CSNK2A2: variants seen among roughly 807,000 people sequenced by gnomAD.
CSNK2A2 encodes casein kinase II subunit alpha'.
A neutral mutation model predicts 54.0 loss-of-function variants in CSNK2A2; 8 were observed. The ratio of observed to expected loss-of-function variants is 0.15; its 90% CI spans 0.09 to 0.27. The LOEUF is 0.27. Ranked by LOEUF, CSNK2A2 falls within the 10% of genes least tolerant of loss-of-function variation. The pLI is 1.00. For synonymous variants in CSNK2A2, 141 were observed against 153.9 expected, an observed-to-expected ratio of 0.92 and a Z score of 0.62; for missense variants, 242 against 439.4, an observed-to-expected ratio of 0.55 and a Z score of 4.02.
chr16:58,182,503 C>T (rs929050020), intron 4 of CSNK2A2, among the ~76,000 whole-genome samples: 4 of 142,898 alleles, frequency 2.8e-5, no homozygotes, highest in Non-Finnish European at 4.5e-5. Context: ...TGCAGTGAGC[C>T]GAGATTGCGC....
At chr16:58,182,210 A>T (rs910812173) in intron 4 of CSNK2A2, among the ~76,000 whole-genome samples, 2 of 151,970 alleles carry the variant, frequency 1.3e-5, no homozygotes, top group African/African-American at 4.8e-5. Flanking sequence ...GCAGTTGTTA[A>T]ATCAACAGAG....
intron 5 of CSNK2A2, among the ~76,000 whole-genome samples, chr16:58,173,523 A>C (rs139919753): frequency 6.6e-6 from 1 of 152,204 alleles, no homozygotes; most frequent in Non-Finnish European, 1.5e-5. Context: ...TTAAGTGCTT[A>C]TCTAGACAAA....
chr16:58,185,507 T>C (rs1198890780), intron 3 of CSNK2A2, among the ~76,000 whole-genome samples: 1 of 152,228 alleles, frequency 6.6e-6, no homozygotes, highest in Non-Finnish European at 1.5e-5. Context: ...AAAACAAAAA[T>C]GCTCCTGGTA....
intron 4 of CSNK2A2, among the ~76,000 whole-genome samples, chr16:58,176,716 G>C (rs1007012353): frequency 3.3e-5 from 5 of 152,252 alleles, no homozygotes; most frequent in Admixed American, 3.3e-4. Flanking sequence ...CAACCTGTCT[G>C]CTTTCTACAG....
rs1225453956 is a variant in CSNK2A2, at chr16:58,164,266, G to C, written c.977-119C>G. 38 of 771,020 alleles carry C rather than the reference G, an allele frequency of 4.9e-5. No homozygotes were observed. In the East Asian group the frequency reaches 9.5e-4, roughly 19 times the overall value. 47.8% of individuals were successfully genotyped at this position (771,020 alleles called of 1,614,324 possible). A position where few individuals can be genotyped will look rare whatever the true frequency, so the allele number is the denominator to read the frequency against. ...GACTGATGGGCAAGCCAGGGTCAGG[G>C]GGGCAACAGGAGAGACGGAAATCAC... On this transcript the variant is annotated intron_variant, in intron 10 of 11. Coordinates refer to ENST00000262506, the MANE Select transcript of CSNK2A2 (RefSeq NM_001896.4).
chr16:58,186,908 TA>T (rs1962208025), intron 2 of CSNK2A2, 52 bp from the exon 3 acceptor site: 1 of 1,363,454 alleles, frequency 7.3e-7, no homozygotes, highest in African/African-American at 1.4e-5. Context: ...AGTTAATAAA[TA>T]AAACTTTAAA....
rs1049142753 is a variant in CSNK2A2, at chr16:58,197,326, A to C, written c.104+307T>G. 1.2e-5 allele frequency: 4 copies of C among 338,732 alleles called. No homozygotes were observed. Among genetic ancestry groups the C allele is most frequent in the Admixed American group, 9.4e-5 (2 of 21,358 alleles). 21.0% of individuals were successfully genotyped at this position (338,732 alleles called of 1,614,324 possible). On this transcript the variant is annotated intron_variant, in intron 1 of 11. Transcript: ENST00000262506. This position sits in a 1 kb window ranked among gnomAD's most constrained non-coding sequence, Gnocchi z 4.0. ...TGACTTCCCACCCCAGTGGAAACCCAGAAGTGTGAGGAAGGGCAGCTCCCT... is the reference window on the plus strand; with the variant it reads ...TGACTTCCCACCCCAGTGGAAACCCCGAAGTGTGAGGAAGGGCAGCTCCCT...
chr16:58,178,755 A>C (rs1961947633), intron 4 of CSNK2A2, among the ~76,000 whole-genome samples: 1 of 152,232 alleles, frequency 6.6e-6, no homozygotes, highest in Non-Finnish European at 1.5e-5. Context: ...TGACCAAACC[A>C]ATACCTCTAC....
At chr16:58,182,493 T>A (rs796125341) in intron 4 of CSNK2A2, among the ~76,000 whole-genome samples, 7 of 139,248 alleles carry the variant, frequency 5.0e-5, no homozygotes, top group African/African-American at 1.9e-4. Flanking sequence ...AGGGGGAGGT[T>A]GCAGTGAGCC....
chr16:58,167,821 G>A, intron 6 of CSNK2A2, 26 bp from the exon 7 acceptor site: 1 of 1,570,080 alleles, frequency 6.4e-7, no homozygotes, highest in Non-Finnish European at 8.8e-7. Flanking sequence ...AAAAAAACAT[G>A]TGAAAGGAGT....
Position 58,171,424 on chromosome 16 carries a change from G to T in CSNK2A2, c.430-2731C>A, listed in dbSNP as rs192505717. 1.3e-5 allele frequency among the ~76,000 whole-genome samples: 2 copies of T among 152,030 alleles called. 1 individual carries two copies. Among genetic ancestry groups the T allele is most frequent in the South Asian group, 4.2e-4 (2 of 4,800 alleles). On this transcript the variant is annotated intron_variant, in intron 5 of 11. Coordinates refer to ENST00000262506, the MANE Select transcript of CSNK2A2 (RefSeq NM_001896.4). Reference sequence around the variant, plus strand: ...TGTAATCCCAACTACTCAGGAGGCCGAGGCGGGAGAACTGCTTGAACCCGG... The same window carrying T: ...TGTAATCCCAACTACTCAGGAGGCCTAGGCGGGAGAACTGCTTGAACCCGG...
chr16:58,170,738 A>G (rs1422042001), intron 5 of CSNK2A2, among the ~76,000 whole-genome samples: 1 of 151,984 alleles, frequency 6.6e-6, no homozygotes, highest in East Asian at 1.9e-4. Context: ...GATGAAGTGG[A>G]ACTTCTTTTT....
intron 11 of CSNK2A2, 70 bp from the exon 12 acceptor site, chr16:58,158,423 G>A (rs1961213977): frequency 6.6e-6 from 1 of 152,542 alleles, no homozygotes; most frequent in Non-Finnish European, 1.5e-5. Flanking sequence ...AGGCCTCCAC[G>A]TGTAGGAGGG....
At chr16:58,162,863 C>G (rs1961425313) in intron 11 of CSNK2A2, 1 of 152,176 alleles carries the variant, frequency 6.6e-6, no homozygotes, top group Admixed American at 6.5e-5. Flanking sequence ...CCATTTTCTT[C>G]CCCAAGCCCC....
chr16:58,166,547 G>C (rs372935412), intron 9 of CSNK2A2, 37 bp downstream of exon 9: 6 of 1,420,264 alleles, frequency 4.2e-6, no homozygotes, highest in Non-Finnish European at 6.0e-6. Context: ...TCTGAAACGG[G>C]GTAAGGTAAA....
Position 58,166,589 on chromosome 16 carries a change from C to T in CSNK2A2, c.822G>A (p.Leu274=). The change falls in exon 9 of 12, where the codon CTG becomes CTA. Residue 274 remains leucine (L), a synonymous_variant. Coordinates refer to ENST00000262506, the MANE Select transcript of CSNK2A2 (RefSeq NM_001896.4). ...IDLDPHFNDI[L]GQHSRKRWEN... The stretch of plus-strand genomic sequence containing the variant: ...TCTCTCTCTCTCTTACTTACTGTCC[C>T]AGGATATCGTTGAAGTGTGGATCTA... 1.2e-6 allele frequency: 2 copies of T among 1,603,674 alleles called. No homozygotes were observed. The highest frequency in any genetic ancestry group is 1.7e-6 in the Non-Finnish European group (2 of 1,170,740).
chr16:58,179,777 T>C (rs993066288), intron 4 of CSNK2A2, among the ~76,000 whole-genome samples: 8 of 151,844 alleles, frequency 5.3e-5, no homozygotes, highest in African/African-American at 1.5e-4. Flanking sequence ...GCACATGTAT[T>C]GTCAAGAAAA....
chr16:58,158,472 T>C (rs1293576761), intron 11 of CSNK2A2, 119 bp from the exon 12 acceptor site: 1 of 152,328 alleles, frequency 6.6e-6, no homozygotes, highest in African/African-American at 2.4e-5. Flanking sequence ...CCATGCCACT[T>C]GGTGGAGAAC....
chr16:58,166,357 AT>A (rs1961563119), intron 9 of CSNK2A2, among the ~76,000 whole-genome samples: 1 of 152,074 alleles, frequency 6.6e-6, no homozygotes, highest in South Asian at 2.1e-4. Context: ...TAACATTATG[AT>A]TTTTGTTTTA....
Sources: gnomAD v4.1 joint callset for allele counts (sites outside exome capture counted in the v4.1 genomes callset) on GRCh38, gnomAD v4.1.1 for gene constraint, Gnocchi (gnomAD v3.1) non-coding constraint, MANE v1.5 for transcripts, NCBI Gene and HGNC (gene_info 2026-07-23, HGNC 2026-07-21) for gene names.